The following SYNE1 variants were observed in gnomAD, a reference collection of about 807,000 sequenced individuals.
SYNE1 encodes spectrin repeat containing nuclear envelope protein 1.
A neutral mutation model predicts 1,111.0 loss-of-function variants in SYNE1; 616 were observed. The ratio of observed to expected loss-of-function variants is 0.55; its 90% CI spans 0.52 to 0.59. SYNE1 has a LOEUF of 0.59. Among genes scored for constraint, SYNE1 ranks in the 20% least tolerant of loss-of-function variants. The pLI, the probability that SYNE1 is intolerant of heterozygous loss-of-function variation, is 0.00. For synonymous variants in SYNE1, 3,855 were observed against 3,825.8 expected, an observed-to-expected ratio of 1.01 and a Z score of -0.28; for missense variants, 10,006 against 10,417.0, an observed-to-expected ratio of 0.96 and a Z score of 1.72.
chr6:152,173,419 C>T (rs1345824951), intron 130 of SYNE1, among the ~76,000 whole-genome samples: 1 of 152,168 alleles, frequency 6.6e-6, no homozygotes, highest in African/African-American at 2.4e-5. Flanking sequence ...ACAGAAATGT[C>T]GAAAGGCATA....
intron 119 of SYNE1, among the ~76,000 whole-genome samples, chr6:152,220,301 G>C (rs938860390): frequency 2.0e-4 from 31 of 152,160 alleles, no homozygotes; most frequent in Non-Finnish European, 2.9e-5. Context: ...CTTGAAACAA[G>C]AGAAGAGCTG....
chr6:152,264,202 ATC>A (rs2092424406), intron 100 of SYNE1, among the ~76,000 whole-genome samples: 2 of 77,276 alleles, frequency 2.6e-5, no homozygotes, highest in East Asian at 7.9e-4. Context: ...GCAAGACTCC[ATC>A]TCAAAAAAAA....
chr6:152,535,720 C>T lies in SYNE1; in HGVS notation c.129+4240G>A, dbSNP rs886070589. On this transcript the variant is annotated intron_variant, in intron 4 of 145. Transcript: ENST00000367255. Reference sequence around the variant, plus strand: ...ATAATCAATATAAATATTAAGATTGCTTATACATGCCTAATTTTAAACATC... The same window carrying T: ...ATAATCAATATAAATATTAAGATTGTTTATACATGCCTAATTTTAAACATC... Among the ~76,000 whole-genome samples the T allele has an allele frequency of 7.9e-5, 12 of 152,092 alleles. No homozygotes were observed. In the South Asian group the frequency reaches 1.9e-3, roughly 24 times the overall value.
intron 106 of SYNE1, among the ~76,000 whole-genome samples, chr6:152,243,681 C>A (rs1266472389): frequency 6.6e-6 from 1 of 152,116 alleles, no homozygotes; most frequent in East Asian, 1.9e-4. Flanking sequence ...TAAAAATGTT[C>A]TTTTGTTTAT....
chr6:152,160,315 A>G (rs1283922047), intron 131 of SYNE1, among the ~76,000 whole-genome samples: 2 of 151,966 alleles, frequency 1.3e-5, no homozygotes, highest in Admixed American at 6.6e-5. Context: ...TCTCTTATTG[A>G]ACTAATAAAA....
chr6:152,359,996 A>G (rs1489153546), intron 64 of SYNE1, among the ~76,000 whole-genome samples: 1 of 152,128 alleles, frequency 6.6e-6, no homozygotes, highest in East Asian at 1.9e-4. Context: ...TCCCCAGCCC[A>G]GGCTGCCCTC....
At chr6:152,386,046 G>A (rs1484584561) in intron 54 of SYNE1, among the ~76,000 whole-genome samples, 1 of 152,108 alleles carries the variant, frequency 6.6e-6, no homozygotes, top group African/African-American at 2.4e-5. Context: ...TTTCCTGTAA[G>A]TTTACTATTT....
At chr6:152,251,174 C>T (rs546358333) in intron 104 of SYNE1, among the ~76,000 whole-genome samples, 1 of 152,134 alleles carries the variant, frequency 6.6e-6, no homozygotes, top group East Asian at 2.0e-4. Context: ...TGGTCGCGAA[C>T]TCCTGAGCTC....
intron 6 of SYNE1, among the ~76,000 whole-genome samples, chr6:152,512,818 C>T (rs1297174574): frequency 6.6e-6 from 1 of 152,170 alleles, no homozygotes; most frequent in East Asian, 1.9e-4. Flanking sequence ...TTGCAAAATC[C>T]TATTGAACTT....
At chr6:152,279,688 GC>G (rs2093905819) in intron 97 of SYNE1, among the ~76,000 whole-genome samples, 1 of 143,192 alleles carries the variant, frequency 7.0e-6, no homozygotes, top group Admixed American at 7.2e-5. Flanking sequence ...CTGCTCTCCA[GC>G]CTGGGTGACA....
Position 152,416,709 on chromosome 6 carries a change from T to A in SYNE1, c.5728A>T (p.Asn1910Tyr), listed in dbSNP as rs1459660658. Reference protein sequence around the residue: ...NESDLIEKDLNDALQNAKALE... With the variant: ...NESDLIEKDLYDALQNAKALE... Reference sequence around the variant, plus strand: ...GCTTTAGCATTTTGAAGAGCATCATTGAGGTCCTTTTCTATCAAATCAGAC... The same window carrying A: ...GCTTTAGCATTTTGAAGAGCATCATAGAGGTCCTTTTCTATCAAATCAGAC... Residue 1910 changes from asparagine (N) to tyrosine (Y), a missense_variant, in exon 41 of 146, where the codon AAT (asparagine) becomes TAT (tyrosine). This residue lies in a region of SYNE1 where 4,955 missense variants were observed against 5,017.2 expected (regional missense o/e 0.99). Transcript: ENST00000367255. 1 of 1,614,230 alleles carries A rather than the reference T, an allele frequency of 6.2e-7. No homozygotes were observed. Among genetic ancestry groups the A allele is most frequent in the Non-Finnish European group, 8.5e-7 (1 of 1,180,036 alleles).
intron 60 of SYNE1, 94 bp downstream of exon 60, chr6:152,369,377 T>C: frequency 2.5e-6 from 4 of 1,578,716 alleles, no homozygotes; most frequent in Non-Finnish European, 1.7e-6. Context: ...GGCAGCACAG[T>C]CTAACTCAAG....
chr6:152,231,777 C>CATGTGTATGT (rs2082807883), intron 113 of SYNE1, among the ~76,000 whole-genome samples: 1 of 113,714 alleles, frequency 8.8e-6, no homozygotes, highest in African/African-American at 3.3e-5. Flanking sequence ...CACAGATATA[C>CATGTGTATGT]GTGTGTATGT....
At chr6:152,269,070 C>G (rs367995551) in intron 99 of SYNE1, 85 bp downstream of exon 99, 3 of 1,593,668 alleles carry the variant, frequency 1.9e-6, no homozygotes. Context: ...AGTACAGAAG[C>G]AACTTGTCTG....
At chr6:152,155,830 T>C in intron 132 of SYNE1, 80 bp downstream of exon 132, 2 of 1,543,070 alleles carry the variant, frequency 1.3e-6, no homozygotes, top group Admixed American at 1.8e-5. Flanking sequence ...CAGGAAAGAG[T>C]GAACAGTGGA....
chr6:152,511,472 G>T, intron 6 of SYNE1: 1 of 1,049,512 alleles, frequency 9.5e-7, no homozygotes, highest in Non-Finnish European at 1.5e-6. Flanking sequence ...AGTTTAAGAA[G>T]ATGCACTTAC....
chr6:152,249,782 A>G (rs1002890208), intron 104 of SYNE1, among the ~76,000 whole-genome samples: 1 of 152,176 alleles, frequency 6.6e-6, no homozygotes, highest in Non-Finnish European at 1.5e-5. Context: ...AATAAATATT[A>G]TCCATGATGG....
intron 131 of SYNE1, among the ~76,000 whole-genome samples, chr6:152,156,483 C>A (rs936622672): frequency 1.3e-5 from 2 of 152,152 alleles, no homozygotes; most frequent in Non-Finnish European, 1.5e-5. Flanking sequence ...CCAGACCTTC[C>A]CTCGGACACC....
intron 3 of SYNE1, among the ~76,000 whole-genome samples, chr6:152,595,430 C>T (rs1476262758): frequency 3.3e-5 from 5 of 152,180 alleles, no homozygotes; most frequent in Admixed American, 1.3e-4. Context: ...ATGCCTTCCC[C>T]GCTTTCAAGG....
Sources: gnomAD v4.1 joint callset for allele counts (sites outside exome capture counted in the v4.1 genomes callset) on GRCh38, gnomAD v4.1.1 for gene constraint, gnomAD v4.1.1 regional missense constraint, MANE v1.5 for transcripts, NCBI Gene and HGNC (gene_info 2026-07-23, HGNC 2026-07-21) for gene names.